The following CLYBL variants were observed in gnomAD, a reference collection of about 807,000 sequenced individuals.
CLYBL encodes the protein citramalyl-CoA lyase.
A neutral mutation model predicts 38.9 loss-of-function variants in CLYBL; 31 were observed. The ratio of observed to expected loss-of-function variants is 0.80; its 90% CI spans 0.60 to 1.08. The LOEUF is 1.08. CLYBL is among the 50% of genes least tolerant of loss of function. CLYBL has a pLI of 0.00. For synonymous variants in CLYBL, 171 were observed against 158.6 expected (o/e 1.08, Z -0.59); for missense variants, 434 against 411.6 (o/e 1.05, Z -0.47).
chr13:99,856,027 C>T (rs554519959), intron 2 of CLYBL, among the ~76,000 whole-genome samples: 1 of 152,258 alleles, frequency 6.6e-6, no homozygotes, highest in African/African-American at 2.4e-5. Flanking sequence ...TTTTTAAATG[C>T]TGAGTATTCA....
At chr13:99,706,866 G>T (rs1021347986) in intron 1 of CLYBL, among the ~76,000 whole-genome samples, 4 of 152,054 alleles carry the variant, frequency 2.6e-5, no homozygotes, top group African/African-American at 9.7e-5. Context: ...GGAATGTAGT[G>T]GTTGCAGCTC....
intron 1 of CLYBL, among the ~76,000 whole-genome samples, chr13:99,754,065 C>T (rs868264420): frequency 4.6e-5 from 5 of 108,508 alleles, no homozygotes; most frequent in Middle Eastern, 0.011. Flanking sequence ...CCAGCCTGGG[C>T]GACAAGAGCG....
intron 1 of CLYBL, among the ~76,000 whole-genome samples, chr13:99,640,895 G>C (rs1359502242): frequency 6.6e-6 from 1 of 152,214 alleles, no homozygotes; most frequent in Non-Finnish European, 1.5e-5. Context: ...GGTGGACAGT[G>C]CAGATCCAAG....
At chr13:99,725,970 T>C (rs189675577) in intron 1 of CLYBL, among the ~76,000 whole-genome samples, 27 of 152,342 alleles carry the variant, frequency 1.8e-4, no homozygotes, top group African/African-American at 6.5e-4. Context: ...AAATCCCTTT[T>C]TCTCCAGTTG....
At chr13:99,827,860 T>TG (rs1313672747) in intron 2 of CLYBL, among the ~76,000 whole-genome samples, 6 of 152,244 alleles carry the variant, frequency 3.9e-5, no homozygotes. Flanking sequence ...AAGGCTCACT[T>TG]GCGCAGAGGA....
intron 7 of CLYBL, among the ~76,000 whole-genome samples, chr13:99,876,069 CTTTTTTT>C (rs10625169): frequency 9.4e-6 from 1 of 106,670 alleles, no homozygotes; most frequent in African/African-American, 3.6e-5. Context: ...TTCTATTTCA[CTTTTTTT>C]TTTTTTTTTT....
chr13:99,785,912 A>T (rs900107654), intron 2 of CLYBL, among the ~76,000 whole-genome samples: 11 of 148,360 alleles, frequency 7.4e-5, no homozygotes, highest in Non-Finnish European at 1.2e-4. Context: ...CATTTCTTAA[A>T]TTTTTTTTTT....
chr13:99,715,451 G>A (rs1454244541), intron 1 of CLYBL, among the ~76,000 whole-genome samples: 1 of 147,040 alleles, frequency 6.8e-6, no homozygotes, highest in East Asian at 2.0e-4. Context: ...CACTCGGACT[G>A]GAGTGCAGTG....
At chr13:99,839,090 C>G (rs1012103370) in intron 2 of CLYBL, among the ~76,000 whole-genome samples, 1 of 152,206 alleles carries the variant, frequency 6.6e-6, no homozygotes, top group South Asian at 2.1e-4. Context: ...TTTTATCAAT[C>G]TCCATGTGAG....
intron 2 of CLYBL, among the ~76,000 whole-genome samples, chr13:99,837,083 A>C (rs1240357192): frequency 6.6e-6 from 1 of 152,108 alleles, no homozygotes; most frequent in African/African-American, 2.4e-5. Flanking sequence ...TCCCCACTTA[A>C]TGCATATCAT....
chr13:99,880,311 C>A (rs1355290593), intron 7 of CLYBL, among the ~76,000 whole-genome samples: 1 of 151,976 alleles, frequency 6.6e-6, no homozygotes, highest in Non-Finnish European at 1.5e-5. Flanking sequence ...GTGATCTGCC[C>A]GCTTCGGCCT....
In CLYBL at chr13:99,691,184, G is replaced by A. The variant is rs148769834; in HGVS notation, c.63-81640G>A. Among the ~76,000 whole-genome samples the A allele has an allele frequency of 9.2e-4, 140 of 152,218 alleles. 1 individual carries two copies. The highest frequency in any genetic ancestry group is 3.1e-3 in the African/African-American group (130 of 41,548). On this transcript the variant is annotated intron_variant, in intron 1 of 8. Transcript: ENST00000339105. ...TGGTAGACAGCATAAAAATGTGTAA[G>A]CACTGTAGCTTTCCAATGAACTGAA...
chr13:99,675,589 C>T (rs932697226), intron 1 of CLYBL, among the ~76,000 whole-genome samples: 16 of 152,174 alleles, frequency 1.1e-4, no homozygotes, highest in African/African-American at 1.4e-4. Flanking sequence ...CTATATTTGC[C>T]GATTCTGGAC....
intron 1 of CLYBL, among the ~76,000 whole-genome samples, chr13:99,746,248 G>A (rs955608974): frequency 6.6e-6 from 1 of 151,552 alleles, no homozygotes; most frequent in African/African-American, 2.4e-5. Context: ...ACAGTCTTTC[G>A]TGACCTTTAA....
At chr13:99,674,855 G>T (rs995676219) in intron 1 of CLYBL, among the ~76,000 whole-genome samples, 1 of 152,174 alleles carries the variant, frequency 6.6e-6, no homozygotes, top group African/African-American at 2.4e-5. Context: ...CACTGGGTCA[G>T]ATAATTAGGA....
At chr13:99,697,802 A>G (rs899800316) in intron 1 of CLYBL, among the ~76,000 whole-genome samples, 4 of 149,102 alleles carry the variant, frequency 2.7e-5, no homozygotes, top group Non-Finnish European at 5.9e-5. Flanking sequence ...ACCCGCCACC[A>G]CACCCAGCTA....
intron 1 of CLYBL, among the ~76,000 whole-genome samples, chr13:99,714,329 G>T (rs1038220748): frequency 5.9e-5 from 9 of 152,166 alleles, no homozygotes; most frequent in African/African-American, 2.2e-4. Flanking sequence ...TTAAAAATGA[G>T]GAACTGGCCT....
In CLYBL at chr13:99,647,449, C is replaced by T. The variant is rs367591755; in HGVS notation, c.62+40692C>T. Among the ~76,000 whole-genome samples the T allele has an allele frequency of 1.5e-4, 22 of 151,698 alleles. No individual in the cohort carries two copies. In the South Asian group the frequency reaches 2.7e-3, roughly 19 times the overall value. On this transcript the variant is annotated intron_variant, in intron 1 of 8. Coordinates refer to ENST00000339105, the MANE Select transcript of CLYBL (RefSeq NM_206808.5). ...GCCCCCCCGGCCCCGCCCCCCATCA[C>T]AACTCCATAGTGGGAAGAACTTATT...
At chr13:99,697,249 G>A (rs2047993782) in intron 1 of CLYBL, among the ~76,000 whole-genome samples, 1 of 152,104 alleles carries the variant, frequency 6.6e-6, no homozygotes, top group Non-Finnish European at 1.5e-5. Flanking sequence ...CAGACAGTGG[G>A]GTTACTGTTA....
Sources: gnomAD v4.1 joint callset for allele counts (sites outside exome capture counted in the v4.1 genomes callset) on GRCh38, gnomAD v4.1.1 for gene constraint, MANE v1.5 for transcripts, NCBI Gene and HGNC (gene_info 2026-07-23, HGNC 2026-07-21) for gene names.